CCNDBP1: variants seen among roughly 807,000 people sequenced by gnomAD.
CCNDBP1 encodes the protein cyclin-D1-binding protein 1.
Under a neutral mutation model 46.2 loss-of-function variants are expected in CCNDBP1, and 45 were observed. The ratio of observed to expected loss-of-function variants is 0.97; its 90% CI spans 0.77 to 1.25. CCNDBP1 has a LOEUF of 1.25. CCNDBP1 is among the 50% of genes most tolerant of loss of function. The pLI is 0.00. For missense variants in CCNDBP1, 436 were observed against 442.1 expected (o/e 0.99, Z 0.12); for synonymous variants, 154 against 163.6 (o/e 0.94, Z 0.45).
Position 43,194,045 on chromosome 15 carries a change from G to A in CCNDBP1, c.922-370G>A, listed in dbSNP as rs558674621. The A allele has an allele frequency of 5.0e-5, 5 of 100,770 alleles. No individual in the cohort carries two copies. The East Asian group carries it at 2.0e-3, about 40-fold the overall frequency. The allele number at this position is 100,770 out of a possible 1,614,324, so 6.2% of individuals were successfully genotyped here. A position where few individuals can be genotyped will look rare whatever the true frequency, so the allele number is the denominator to read the frequency against. On this transcript the variant is annotated intron_variant, in intron 9 of 10. Transcript: ENST00000300213. Reference sequence around the variant, plus strand: ...TTGGTGTTCTTAAAATTCTTAATGCGCTTTTTTTTTTTTTTTTTTTTTTTT... The same window carrying A: ...TTGGTGTTCTTAAAATTCTTAATGCACTTTTTTTTTTTTTTTTTTTTTTTT...
chr15:43,190,117 C>T lies in CCNDBP1; in HGVS notation c.394C>T (p.Leu132Phe). Residue 132 changes from leucine to phenylalanine, a missense_variant, in exon 5 of 11, where the codon CTC (leucine) becomes TTC (phenylalanine). Coordinates refer to ENST00000300213, the MANE Select transcript of CCNDBP1 (RefSeq NM_012142.5). ...TLDIVDGMAQ[L>F]MEVLSVTPTQ... ...GGACATCGTGGATGGCATGGCTCAG[C>T]TCATGGAAGTACTTTCCGTCACTCC... 1 of 1,614,128 alleles carries T rather than the reference C, an allele frequency of 6.2e-7. No individual in the cohort carries two copies. Among genetic ancestry groups the T allele is most frequent in the Non-Finnish European group, 8.5e-7 (1 of 1,180,012 alleles).
At chr15:43,191,743 A>C in intron 8 of CCNDBP1, 68 bp downstream of exon 8, 2 of 1,520,918 alleles carry the variant, frequency 1.3e-6, no homozygotes, top group Non-Finnish European at 1.8e-6. Context: ...TTGTCACCTC[A>C]AGGTTTTCAC....
rs2042012456 is a variant in CCNDBP1 at position 43,194,446 on chromosome 15, C to T, written c.953C>T (p.Ala318Val). ...AAACTTGTATCTGTTTTAAAGAAGG[C>T]ACTTGAAATTACAAAGTAAGTATGA... Reference protein sequence around the residue: ...SAKLVSVLKKALEITKASHVT... With the variant: ...SAKLVSVLKKVLEITKASHVT... The change falls in exon 10 of 11, where the codon GCA becomes GTA. Residue 318 changes from alanine to valine, a missense_variant. Physicochemically the swap from Ala to Val is moderately conservative, Grantham distance 64 (BLOSUM62 0). Transcript: ENST00000300213. 3.1e-6 allele frequency: 5 copies of T among 1,605,624 alleles called. No individual in the cohort carries two copies. In the East Asian group the frequency reaches 9.0e-5, roughly 29 times the overall value.
rs377566630 is a variant in CCNDBP1, at chr15:43,185,603, G to C, written c.105G>C (p.Val35=). ...AEELRLLLPR[V]RVGEAQETTE... ...AGCTGCGGTTGCTCCTGCCTCGAGT[G>C]CGGGGTGAGCTGACGGAGTTAGAAC... is the stretch of plus-strand genomic sequence containing the variant. Residue 35 remains valine (V), a synonymous_variant, in exon 1 of 11, where the codon GTG becomes GTC. Transcript: ENST00000300213. The C allele has an allele frequency of 2.0e-4, 310 of 1,559,232 alleles. 1 individual carries two copies. In the African/African-American group the frequency reaches 3.9e-3, roughly 19 times the overall value.
rs570458050 is a variant in CCNDBP1, at chr15:43,186,086, A to G, written c.170-68A>G. ...TGTTTTTGAGAAGTCTCGGTCGGTAAGGGAAGTCTTCCAAGTCCGTGCAGC... is the reference window on the plus strand; with the variant it reads ...TGTTTTTGAGAAGTCTCGGTCGGTAGGGGAAGTCTTCCAAGTCCGTGCAGC... On this transcript the variant is annotated intron_variant, in intron 2 of 10. Transcript: ENST00000300213. 182 of 1,437,924 alleles carry G rather than the reference A, an allele frequency of 1.3e-4. No individual in the cohort carries two copies. The East Asian group carries it at 3.7e-3, about 29-fold the overall frequency. 89.1% of individuals were successfully genotyped at this position (1,437,924 alleles called of 1,614,324 possible). A position where few individuals can be genotyped will look rare whatever the true frequency, so the allele number is the denominator to read the frequency against.
Position 43,185,640 on chromosome 15 carries a change from G to A in CCNDBP1, c.109+33G>A, listed in dbSNP as rs1230816519. On this transcript the variant is annotated intron_variant, in intron 1 of 10. Coordinates refer to ENST00000300213, the MANE Select transcript of CCNDBP1 (RefSeq NM_012142.5). The stretch of plus-strand genomic sequence containing the variant: ...GACGGAGTTAGAACGGGCGACGGCA[G>A]GGGCGGGCTCGGGGTCGGGGAGAGG... 1.2e-5 allele frequency: 17 copies of A among 1,473,192 alleles called. No individual in the cohort carries two copies. The East Asian group carries it at 3.8e-4, about 33-fold the overall frequency. 91.3% of individuals were successfully genotyped at this position (1,473,192 alleles called of 1,614,324 possible).
intron 9 of CCNDBP1, 111 bp downstream of exon 9, chr15:43,192,914 G>C: frequency 1.0e-6 from 1 of 961,408 alleles, no homozygotes; most frequent in Non-Finnish European, 1.7e-6. Context: ...CATTTGGATG[G>C]AAGTACAACA....
chr15:43,194,504 G>A (rs560808540), intron 10 of CCNDBP1, 43 bp downstream of exon 10: 27 of 1,493,238 alleles, frequency 1.8e-5, no homozygotes, highest in South Asian at 9.5e-5. Flanking sequence ...TGAGTAAAAC[G>A]GAACTGCTGT....
At chr15:43,186,441 G>C (rs1390233999) in intron 3 of CCNDBP1, among the ~76,000 whole-genome samples, 1 of 152,136 alleles carries the variant, frequency 6.6e-6, no homozygotes, top group Admixed American at 6.5e-5. Context: ...TATAAATATT[G>C]GTTCAGTCTG....
rs2042018456 is a variant in CCNDBP1 at position 43,194,841 on chromosome 15, A to T, written c.1083A>T (p.Ter361CysextTer32). The change falls in exon 11 of 11, where the codon TGA (stop) becomes TGT (cysteine). Residue 361 changes from the stop codon to cysteine, a stop_lost. Transcript: ENST00000300213. ...KELTQSELEL[*>C] ...TCACTCAGAGTGAACTTGAATTATG[A>T]CTTTTCAGGCTCATTTGTACTCTCT... The T allele has an allele frequency of 1.3e-6, 2 of 1,578,020 alleles. No homozygotes were observed. Among genetic ancestry groups the T allele is most frequent in the Non-Finnish European group, 1.7e-6 (2 of 1,147,328 alleles).
chr15:43,185,921 C>A, intron 2 of CCNDBP1, 42 bp downstream of exon 2: 1 of 1,572,514 alleles, frequency 6.4e-7, no homozygotes. Flanking sequence ...CTCAGTTCCT[C>A]CAGCGTCCCG....
intron 3 of CCNDBP1, among the ~76,000 whole-genome samples, 182 bp downstream of exon 3, chr15:43,186,415 C>T (rs1350536813): frequency 3.9e-5 from 6 of 152,194 alleles, no homozygotes; most frequent in African/African-American, 7.2e-5. Flanking sequence ...GTTCCTGGCG[C>T]GGAGTAGGCA....
chr15:43,194,757 T>A lies in CCNDBP1; in HGVS notation c.999T>A (p.Asp333Glu). ...GTCATGTGACCCCTCAGCCAGAAGATAGTTGGATCCCTTTACTTATTAATG... is the reference window on the plus strand; with the variant it reads ...GTCATGTGACCCCTCAGCCAGAAGAAAGTTGGATCCCTTTACTTATTAATG... ...KASHVTPQPE[D>E]SWIPLLINAI... The change falls in exon 11 of 11, where the codon GAT (aspartate) becomes GAA (glutamate). Residue 333 changes from aspartate (D) to glutamate (E), a missense_variant. By Grantham distance (45) the Asp-to-Glu change is conservative. Transcript: ENST00000300213. 6.2e-7 allele frequency: 1 copy of A among 1,613,514 alleles called. No individual in the cohort carries two copies. Among genetic ancestry groups the A allele is most frequent in the Non-Finnish European group, 8.5e-7 (1 of 1,179,396 alleles).
At chr15:43,191,810 C>G (rs1045891113) in intron 8 of CCNDBP1, 135 bp downstream of exon 8, 1 of 888,508 alleles carries the variant, frequency 1.1e-6, no homozygotes, top group Non-Finnish European at 1.7e-6. Flanking sequence ...AAAGTACCTT[C>G]AGTGAACACC....
At chr15:43,186,068 G>A in intron 2 of CCNDBP1, 86 bp from the exon 3 acceptor site, 4 of 1,353,758 alleles carry the variant, frequency 3.0e-6, no homozygotes, top group Non-Finnish European at 4.2e-6. Context: ...AAGTGTTTTT[G>A]AGAAGTCTCG....
At chr15:43,194,170 T>C (rs2042007020) in intron 9 of CCNDBP1, 2 of 404,592 alleles carry the variant, frequency 4.9e-6, no homozygotes, top group Non-Finnish European at 8.8e-6. Context: ...CTTTTTTAAA[T>C]TGAAAATATT....
chr15:43,189,313 G>A (rs2041911392), intron 4 of CCNDBP1, 33 bp downstream of exon 4: 1 of 1,301,068 alleles, frequency 7.7e-7, no homozygotes, highest in East Asian at 2.3e-5. Flanking sequence ...TTATCGTGTA[G>A]ATCTTTGCTA....
chr15:43,185,922 C>T, intron 2 of CCNDBP1, 43 bp downstream of exon 2: 1 of 1,571,112 alleles, frequency 6.4e-7, no homozygotes, highest in Non-Finnish European at 8.7e-7. Flanking sequence ...TCAGTTCCTC[C>T]AGCGTCCCGA....
At position 43,197,117 on chromosome 15, in the gene CCNDBP1, C is replaced by T; in HGVS notation, c.*2276C>T. 1.3e-6 allele frequency: 1 copy of T among 761,626 alleles called. No individual in the cohort carries two copies. Among genetic ancestry groups the T allele is most frequent in the Non-Finnish European group, 2.1e-6 (1 of 468,700 alleles). The allele number at this position is 761,626 out of a possible 1,614,324, so 47.2% of individuals were successfully genotyped here. A position where few individuals can be genotyped will look rare whatever the true frequency, so the allele number is the denominator to read the frequency against. On this transcript the variant is annotated 3_prime_UTR_variant, in exon 11 of 11. Coordinates refer to ENST00000300213, the MANE Select transcript of CCNDBP1 (RefSeq NM_012142.5). ...ATAAGTGGAAGCAGCCTGAAGCCCT[C>T]ACTGTTTCTTGTACAGCCTGCAGAG... is the stretch of plus-strand genomic sequence containing the variant.
Sources: allele counts gnomAD v4.1 joint callset (sites outside exome capture counted in the v4.1 genomes callset), GRCh38; gene constraint gnomAD v4.1.1; transcripts MANE v1.5; gene names NCBI Gene and HGNC (gene_info 2026-07-23, HGNC 2026-07-21).